The following KDM4C variants were observed in gnomAD, a reference collection of about 807,000 sequenced individuals.
The protein encoded by KDM4C is lysine-specific demethylase 4C.
A neutral mutation model predicts 129.3 loss-of-function variants in KDM4C; 81 were observed. The observed-to-expected ratio is 0.63, with a 90% confidence interval of 0.52 to 0.75. The LOEUF is 0.75. Ranked by LOEUF, KDM4C falls within the 30% of genes least tolerant of loss-of-function variation. KDM4C has a pLI of 0.00. For synonymous variants in KDM4C, 573 were observed against 456.1 expected (o/e 1.26, Z -3.26); for missense variants, 1,457 against 1,304.0 (o/e 1.12, Z -1.81).
chr9:6,861,129 C>G (rs1443980278), intron 5 of KDM4C, among the ~76,000 whole-genome samples: 1 of 152,148 alleles, frequency 6.6e-6, no homozygotes, highest in Middle Eastern at 3.2e-3. Flanking sequence ...TTTTTTTGGT[C>G]ACTACTTGAA....
chr9:6,998,110 G>A lies in KDM4C; in HGVS notation c.1786+7586G>A, dbSNP rs1224842398. Among the ~76,000 whole-genome samples, 78 of 152,188 alleles carry A rather than the reference G, an allele frequency of 5.1e-4. 1 individual carries two copies. Among genetic ancestry groups the A allele is most frequent in the Admixed American group, 5.1e-3 (78 of 15,286 alleles). ...TCATCAGTTCAGCAAGTGCACTACT[G>A]TAATGAGCTGTTAAGCATCTTTTTG... is the stretch of plus-strand genomic sequence containing the variant. On this transcript the variant is annotated intron_variant, in intron 12 of 21. Transcript: ENST00000381309.
intron 18 of KDM4C, among the ~76,000 whole-genome samples, chr9:7,104,992 C>A (rs1355911238): frequency 6.9e-6 from 1 of 145,158 alleles, no homozygotes; most frequent in Non-Finnish European, 1.5e-5. Flanking sequence ...CCAACTGTCA[C>A]ATCTATTTTA....
At chr9:6,768,135 G>T (rs1321010823) in intron 1 of KDM4C, among the ~76,000 whole-genome samples, 2 of 152,082 alleles carry the variant, frequency 1.3e-5, no homozygotes, top group Non-Finnish European at 2.9e-5. Flanking sequence ...GACCGAGAGT[G>T]TCAGGCATTG....
chr9:6,848,647 C>T (rs1349053811), intron 4 of KDM4C, among the ~76,000 whole-genome samples: 5 of 151,300 alleles, frequency 3.3e-5, no homozygotes, highest in South Asian at 4.2e-4. Context: ...CCAGCCTGGG[C>T]GACAGAGTGA....
chr9:6,940,276 A>C (rs1825709984), intron 8 of KDM4C, among the ~76,000 whole-genome samples: 1 of 151,936 alleles, frequency 6.6e-6, no homozygotes, highest in Non-Finnish European at 1.5e-5. Context: ...TTTTTTGTAG[A>C]GAGGGAGTTT....
chr9:6,995,209 TA>T (rs1819478620), intron 12 of KDM4C, among the ~76,000 whole-genome samples: 1 of 151,812 alleles, frequency 6.6e-6, no homozygotes, highest in South Asian at 2.1e-4. Flanking sequence ...AGATCAAGAC[TA>T]AGTCAGTTCA....
intron 1 of KDM4C, among the ~76,000 whole-genome samples, chr9:6,789,002 GGAC>G (rs1825998422): frequency 6.6e-6 from 1 of 151,958 alleles, no homozygotes; most frequent in Non-Finnish European, 1.5e-5. Flanking sequence ...CAGTGATGAT[GGAC>G]GAGGCCATAG....
At chr9:7,018,037 A>G (rs1823997246) in intron 15 of KDM4C, among the ~76,000 whole-genome samples, 1 of 152,220 alleles carries the variant, frequency 6.6e-6, no homozygotes, top group Non-Finnish European at 1.5e-5. Context: ...TGGGCCCAGA[A>G]AGCATTTTGG....
At chr9:6,781,891 T>G (rs1824423607) in intron 1 of KDM4C, among the ~76,000 whole-genome samples, 1 of 151,738 alleles carries the variant, frequency 6.6e-6, no homozygotes, top group African/African-American at 2.4e-5. Context: ...TGGCATTATC[T>G]CGGCTCACCT....
intron 15 of KDM4C, among the ~76,000 whole-genome samples, chr9:7,046,495 C>T (rs1829415181): frequency 6.6e-6 from 1 of 151,978 alleles, no homozygotes; most frequent in African/African-American, 2.4e-5. Context: ...GCTACACCGT[C>T]GTGTGTGCAT....
intron 18 of KDM4C, among the ~76,000 whole-genome samples, chr9:7,112,046 C>T (rs1425005943): frequency 6.6e-6 from 1 of 152,060 alleles, no homozygotes; most frequent in African/African-American, 2.4e-5. Flanking sequence ...ATAGCTGTCT[C>T]TCACATGCGC....
At chr9:7,039,866 A>G (rs72703350) in intron 15 of KDM4C, among the ~76,000 whole-genome samples, 55,152 of 151,850 alleles carry the variant, frequency 0.36, 11,099 homozygotes, top group Middle Eastern at 0.47. Flanking sequence ...AAATGGCCCC[A>G]TGCAGTTCAA....
At chr9:6,919,537 GTCTGTCTGTCTATCTATCTATCTA>G (rs1380605034) in intron 8 of KDM4C, among the ~76,000 whole-genome samples, 6 of 94,864 alleles carry the variant, frequency 6.3e-5, no homozygotes, top group African/African-American at 1.7e-4. Flanking sequence ...TCATCTGTCT[GTCTGTCTGTCTATCTATCTATCTA>G]TCTATCTATC....
chr9:6,857,023 T>A (rs1368119604), intron 5 of KDM4C, among the ~76,000 whole-genome samples: 3 of 152,166 alleles, frequency 2.0e-5, no homozygotes, highest in Admixed American at 2.0e-4. Context: ...TCCCATAATT[T>A]TTGTATTTTT....
rs531467014 is a variant in KDM4C at position 6,923,060 on chromosome 9, C to A, written c.921+29828C>A. Reference sequence around the variant, plus strand: ...TTCTCCTCAGGTATGAATTTTCTCCCCTCTAAATCTATTTTATGGGTATTT... The same window carrying A: ...TTCTCCTCAGGTATGAATTTTCTCCACTCTAAATCTATTTTATGGGTATTT... On this transcript the variant is annotated intron_variant, in intron 8 of 21. Coordinates refer to ENST00000381309, the MANE Select transcript of KDM4C (RefSeq NM_015061.6). Among the ~76,000 whole-genome samples, 3 of 152,204 alleles carry A rather than the reference C, an allele frequency of 2.0e-5. No individual in the cohort carries two copies. In the East Asian group the frequency reaches 5.8e-4, roughly 29 times the overall value.
chr9:6,961,196 T>C (rs141608132), intron 8 of KDM4C, among the ~76,000 whole-genome samples: 2 of 152,354 alleles, frequency 1.3e-5, no homozygotes, highest in East Asian at 3.9e-4. Context: ...TCCTTTATTT[T>C]AAAAGTTAAA....
chr9:7,161,473 T>G (rs1444826203), intron 19 of KDM4C, among the ~76,000 whole-genome samples: 2 of 152,220 alleles, frequency 1.3e-5, no homozygotes, highest in African/African-American at 4.8e-5. Context: ...AGACCTTTTA[T>G]TTTTAAAAGA....
chr9:6,999,096 T>G (rs1047559394), intron 12 of KDM4C, among the ~76,000 whole-genome samples: 1 of 152,248 alleles, frequency 6.6e-6, no homozygotes, highest in Non-Finnish European at 1.5e-5. Context: ...AAGTGGAATT[T>G]AGAAATAGAA....
Position 6,805,767 on chromosome 9 carries a change from A to T in KDM4C, c.313A>T (p.Ser105Cys), listed in dbSNP as rs748525049. 5.2e-5 allele frequency: 83 copies of T among 1,610,828 alleles called. No homozygotes were observed. The highest frequency in any genetic ancestry group is 7.0e-5 in the Non-Finnish European group (82 of 1,179,106). ...GAAGGAGTTCAGGCAGCTGGCCAACAGTGGCAAGTGAGTAGAATCAGTTTG... is the reference window on the plus strand; with the variant it reads ...GAAGGAGTTCAGGCAGCTGGCCAACTGTGGCAAGTGAGTAGAATCAGTTTG... ...TVKEFRQLAN[S>C]GKYCTPRYLD... Residue 105 changes from serine (S) to cysteine (C), a missense_variant, in exon 3 of 22, where the codon AGT becomes TGT. Transcript: ENST00000381309.
Sources: allele counts gnomAD v4.1 joint callset (sites outside exome capture counted in the v4.1 genomes callset), GRCh38; gene constraint gnomAD v4.1.1; transcripts MANE v1.5; gene names NCBI Gene and HGNC (gene_info 2026-07-23, HGNC 2026-07-21).